Variants in ADK observed in about 807,000 individuals in gnomAD.
The protein encoded by ADK is N6,N6-dimethyladenosine kinase.
A neutral mutation model predicts 44.7 loss-of-function variants in ADK; 24 were observed. That is an observed-to-expected ratio of 0.54 (90% CI 0.39 to 0.76). The LOEUF (loss-of-function observed/expected upper bound fraction) is 0.76. ADK is among the 30% of genes least tolerant of loss of function. The pLI, the probability that ADK is intolerant of heterozygous loss-of-function variation, is 0.00. For missense variants in ADK, 321 were observed against 425.1 expected, an observed-to-expected ratio of 0.76 and a Z score of 2.15; for synonymous variants, 128 against 142.6, an observed-to-expected ratio of 0.90 and a Z score of 0.73.
intron 6 of ADK, among the ~76,000 whole-genome samples, chr10:74,466,086 T>C (rs2133267704): frequency 6.6e-6 from 1 of 152,278 alleles, no homozygotes; most frequent in South Asian, 2.1e-4. Flanking sequence ...CACTAATATA[T>C]TCGTATCCCT....
At chr10:74,695,311 ATCT>A (rs1451320462) in intron 10 of ADK, among the ~76,000 whole-genome samples, 1 of 152,172 alleles carries the variant, frequency 6.6e-6, no homozygotes. Context: ...ATTGAATGTT[ATCT>A]TCTTCTCCAA....
intron 6 of ADK, among the ~76,000 whole-genome samples, chr10:74,436,397 T>C (rs1291762225): frequency 6.6e-6 from 1 of 151,650 alleles, no homozygotes; most frequent in African/African-American, 2.4e-5. Context: ...TCATAAGGAA[T>C]AGAAAATATA....
chr10:74,522,455 T>C (rs891830713), intron 6 of ADK, among the ~76,000 whole-genome samples: 3 of 152,158 alleles, frequency 2.0e-5, no homozygotes, highest in African/African-American at 4.8e-5. Context: ...TTTGGGGTAT[T>C]GTATTCTGGG....
At chr10:74,216,701 G>T (rs1465124282) in intron 2 of ADK, among the ~76,000 whole-genome samples, 3 of 147,258 alleles carry the variant, frequency 2.0e-5, no homozygotes, top group Admixed American at 6.8e-5. Flanking sequence ...CTTCAGCCTG[G>T]GTGACAGAGT....
chr10:74,167,713 G>C (rs1186728899), intron 1 of ADK, among the ~76,000 whole-genome samples: 1 of 152,116 alleles, frequency 6.6e-6, no homozygotes, highest in Non-Finnish European at 1.5e-5. Context: ...ATACACTATT[G>C]GTCAGAGGAG....
chr10:74,230,744 C>T (rs1446468265), intron 3 of ADK, among the ~76,000 whole-genome samples: 5 of 151,258 alleles, frequency 3.3e-5, no homozygotes, highest in African/African-American at 7.3e-5. Context: ...TACAGTGGCG[C>T]GATCTTGGCT....
chr10:74,566,695 C>T (rs1850680343), intron 7 of ADK, among the ~76,000 whole-genome samples: 1 of 152,188 alleles, frequency 6.6e-6, no homozygotes, highest in Non-Finnish European at 1.5e-5. Flanking sequence ...TGATGATTCA[C>T]ATTTTCCAAC....
chr10:74,645,371 G>A (rs747533058), intron 9 of ADK, among the ~76,000 whole-genome samples: 6 of 151,976 alleles, frequency 3.9e-5, no homozygotes, highest in Non-Finnish European at 8.8e-5. Context: ...ATTCTTATAT[G>A]GAGTCTCTTA....
Position 74,200,347 on chromosome 10 carries a change from G to C in ADK, c.66-417G>C, listed in dbSNP as rs574965654. On this transcript the variant is annotated intron_variant, in intron 1 of 10. Transcript: ENST00000539909. ...AAAAATACAAAAATTAGCCAGGCATGGTGGCAGGCACCTTTAATCCCAGCT... is the reference window on the plus strand; with the variant it reads ...AAAAATACAAAAATTAGCCAGGCATCGTGGCAGGCACCTTTAATCCCAGCT... Among the ~76,000 whole-genome samples, 14 of 151,844 alleles carry C rather than the reference G, an allele frequency of 9.2e-5. No individual in the cohort carries two copies. In the South Asian group the frequency reaches 2.7e-3, roughly 29 times the overall value.
intron 6 of ADK, among the ~76,000 whole-genome samples, chr10:74,438,077 T>C (rs546565589): frequency 3.9e-5 from 6 of 152,310 alleles, no homozygotes; most frequent in East Asian, 3.9e-4. Context: ...TGTTCCTCCA[T>C]GAGCTGTTGT....
intron 2 of ADK, among the ~76,000 whole-genome samples, chr10:74,218,563 T>G (rs1437209333): frequency 1.3e-5 from 2 of 152,022 alleles, no homozygotes; most frequent in Non-Finnish European, 2.9e-5. Flanking sequence ...AGACACATAA[T>G]TGTCAGATTC....
At chr10:74,659,213 G>A (rs953276837) in intron 9 of ADK, among the ~76,000 whole-genome samples, 15 of 152,216 alleles carry the variant, frequency 9.9e-5, no homozygotes, top group African/African-American at 3.6e-4. Context: ...GAGAGATCCT[G>A]TCTCTAAAAA....
At position 74,359,305 on chromosome 10, in the gene ADK, C is replaced by T. The variant is rs192700368; in HGVS notation, c.274-34836C>T. 1.4e-4 allele frequency among the ~76,000 whole-genome samples: 21 copies of T among 152,062 alleles called. 1 individual carries two copies. The East Asian group carries it at 3.7e-3, about 27-fold the overall frequency. On this transcript the variant is annotated intron_variant, in intron 4 of 10. Transcript: ENST00000539909. ...GATTATTTTAGCTATTTGGGGTCTTCTGTGGTTCCATATGAATTTTAGGAT... is the reference window on the plus strand; with the variant it reads ...GATTATTTTAGCTATTTGGGGTCTTTTGTGGTTCCATATGAATTTTAGGAT...
intron 7 of ADK, among the ~76,000 whole-genome samples, chr10:74,532,894 T>C (rs1464408589): frequency 8.9e-6 from 1 of 112,752 alleles, no homozygotes; most frequent in Non-Finnish European, 1.7e-5. Context: ...CACTCCAGTC[T>C]GGGCGACAGA....
chr10:74,455,601 C>T (rs760680094), intron 6 of ADK, among the ~76,000 whole-genome samples: 6 of 152,158 alleles, frequency 3.9e-5, no homozygotes, highest in South Asian at 2.1e-4. Flanking sequence ...CCTCTGCTTC[C>T]CTGGTTCAAG....
intron 4 of ADK, among the ~76,000 whole-genome samples, chr10:74,393,109 TTCTG>T (rs1407724483): frequency 6.6e-6 from 1 of 152,148 alleles, no homozygotes; most frequent in African/African-American, 2.4e-5. Context: ...ATTCTTACAG[TTCTG>T]TCTTTGTTAC....
chr10:74,588,123 C>T (rs1554884931), intron 7 of ADK, among the ~76,000 whole-genome samples: 1 of 152,084 alleles, frequency 6.6e-6, no homozygotes, highest in African/African-American at 2.4e-5. Context: ...AGATTTAACA[C>T]TTGTTAACAT....
chr10:74,567,621 C>T (rs1174953745), intron 7 of ADK, among the ~76,000 whole-genome samples: 2 of 151,992 alleles, frequency 1.3e-5, no homozygotes, highest in Non-Finnish European at 2.9e-5. Flanking sequence ...AAATTGTGCC[C>T]ATTTGTTGAG....
At chr10:74,353,539 C>T (rs150176549) in intron 4 of ADK, among the ~76,000 whole-genome samples, 648 of 147,490 alleles carry the variant, frequency 4.4e-3, no homozygotes, top group Non-Finnish European at 6.9e-3. Context: ...CAAACCTGCA[C>T]GTTCTGCACA....
Sources: gnomAD v4.1 joint callset for allele counts (sites outside exome capture counted in the v4.1 genomes callset) on GRCh38, gnomAD v4.1.1 for gene constraint, MANE v1.5 for transcripts, NCBI Gene and HGNC (gene_info 2026-07-23, HGNC 2026-07-21) for gene names.